Variants in ADAMTSL3 observed in about 807,000 individuals in gnomAD.
The protein encoded by ADAMTSL3 is ADAMTS-like protein 3.
Under a neutral mutation model 201.7 loss-of-function variants are expected in ADAMTSL3, and 128 were observed. The ratio of observed to expected loss-of-function variants is 0.63; its 90% confidence interval spans 0.55 to 0.73. The LOEUF (loss-of-function observed/expected upper bound fraction) is 0.73. ADAMTSL3 is among the 30% of genes least tolerant of loss of function. ADAMTSL3 has a pLI of 0.00. For missense variants in ADAMTSL3, 1,990 were observed against 2,119.6 expected, an observed-to-expected ratio of 0.94 and a Z score of 1.20; for synonymous variants, 738 against 748.4, an observed-to-expected ratio of 0.99 and a Z score of 0.23.
chr15:83,981,756 A>G (rs1400207487), intron 20 of ADAMTSL3, among the ~76,000 whole-genome samples: 1 of 152,164 alleles, frequency 6.6e-6, no homozygotes, highest in East Asian at 1.9e-4. Context: ...AGACCCTTCA[A>G]ATACATTTGC....
At chr15:84,012,234 A>C (rs985591113) in intron 23 of ADAMTSL3, among the ~76,000 whole-genome samples, 5 of 152,212 alleles carry the variant, frequency 3.3e-5, no homozygotes, top group African/African-American at 4.8e-5. Flanking sequence ...ACTGACTGTT[A>C]CACTTAGAGT....
At chr15:83,871,178 A>G (rs1266342189) in intron 9 of ADAMTSL3, among the ~76,000 whole-genome samples, 1 of 152,188 alleles carries the variant, frequency 6.6e-6, no homozygotes, top group Non-Finnish European at 1.5e-5. Flanking sequence ...CTTCACTTTT[A>G]TGGGGGAAGG....
At chr15:83,714,791 T>TTCTTTCTTTTTCTTTTTCTTTCTC (rs1555433213) in intron 3 of ADAMTSL3, among the ~76,000 whole-genome samples, 1 of 78,796 alleles carries the variant, frequency 1.3e-5, no homozygotes, top group Non-Finnish European at 2.6e-5. Flanking sequence ...TTCTTTTTCT[T>TTCTTTCTTTTTCTTTTTCTTTCTC]TCTCTCTCTT....
chr15:83,820,929 C>T (rs546559552), intron 6 of ADAMTSL3, among the ~76,000 whole-genome samples: 3 of 152,198 alleles, frequency 2.0e-5, no homozygotes, highest in African/African-American at 7.2e-5. Flanking sequence ...CAAAAATTAA[C>T]TGGGTGTGAT....
chr15:83,882,104 C>T (rs996749423), intron 9 of ADAMTSL3, among the ~76,000 whole-genome samples: 4 of 151,122 alleles, frequency 2.6e-5, no homozygotes, highest in African/African-American at 4.9e-5. Flanking sequence ...TGTAGTGAGC[C>T]GAGATCGCGC....
intron 15 of ADAMTSL3, among the ~76,000 whole-genome samples, chr15:83,907,233 A>G (rs928131828): frequency 5.3e-5 from 8 of 152,056 alleles, no homozygotes; most frequent in Non-Finnish European, 8.8e-5. Context: ...TACATGAGCT[A>G]TATGAACTTG....
At chr15:83,882,574 A>G (rs1195025703) in intron 9 of ADAMTSL3, among the ~76,000 whole-genome samples, 2 of 152,048 alleles carry the variant, frequency 1.3e-5, no homozygotes, top group South Asian at 2.1e-4. Flanking sequence ...GAATATCTCT[A>G]AGTGTTAAAG....
At chr15:83,684,482 T>C (rs774373201) in intron 2 of ADAMTSL3, among the ~76,000 whole-genome samples, 3 of 152,136 alleles carry the variant, frequency 2.0e-5, no homozygotes, top group Non-Finnish European at 4.4e-5. Context: ...GAGGATCACT[T>C]GAGGCCAGGA....
Position 84,003,611 on chromosome 15 carries a change from T to C in ADAMTSL3, c.3974-10931T>C, listed in dbSNP as rs553374203. Among the ~76,000 whole-genome samples, 11 of 152,182 alleles carry C rather than the reference T, an allele frequency of 7.2e-5. No homozygotes were observed. The South Asian group carries it at 2.3e-3, about 32-fold the overall frequency. On this transcript the variant is annotated intron_variant, in intron 23 of 29. Coordinates refer to ENST00000286744, the MANE Select transcript of ADAMTSL3 (RefSeq NM_207517.3). ...AAACCTGTATGAGATTTGATAGCAA[T>C]TGGGAAGCTTTTCATACCAGGCAGT...
intron 4 of ADAMTSL3, among the ~76,000 whole-genome samples, chr15:83,798,848 A>G (rs1265203995): frequency 6.7e-6 from 1 of 149,188 alleles, no homozygotes; most frequent in East Asian, 2.0e-4. Flanking sequence ...CAATAACACC[A>G]CTTTTTGGCT....
intron 2 of ADAMTSL3, among the ~76,000 whole-genome samples, chr15:83,664,079 G>A (rs537275944): frequency 6.6e-6 from 1 of 152,286 alleles, no homozygotes; most frequent in Admixed American, 6.5e-5. Context: ...ATCAGGTGGA[G>A]ACCCAGGTCT....
At chr15:83,757,501 C>A (rs1385251239) in intron 3 of ADAMTSL3, among the ~76,000 whole-genome samples, 1 of 152,180 alleles carries the variant, frequency 6.6e-6, no homozygotes, top group Non-Finnish European at 1.5e-5. Context: ...GGGCCCTGGG[C>A]CCTGGCCCAT....
At chr15:83,783,266 T>TA (rs2063206624) in intron 4 of ADAMTSL3, among the ~76,000 whole-genome samples, 1 of 151,820 alleles carries the variant, frequency 6.6e-6, no homozygotes, top group African/African-American at 2.4e-5. Context: ...TAAAACAATG[T>TA]ATAACTATTC....
chr15:83,666,502 G>C (rs1007505447), intron 2 of ADAMTSL3, among the ~76,000 whole-genome samples: 1 of 152,094 alleles, frequency 6.6e-6, no homozygotes, highest in East Asian at 1.9e-4. Context: ...TGGGCCATTT[G>C]TATTACTTCT....
At chr15:83,939,522 A>G (rs1011403927) in intron 17 of ADAMTSL3, among the ~76,000 whole-genome samples, 5 of 151,842 alleles carry the variant, frequency 3.3e-5, no homozygotes, top group African/African-American at 9.7e-5. Flanking sequence ...TTATGCCACA[A>G]TGTCCCTTCT....
intron 3 of ADAMTSL3, among the ~76,000 whole-genome samples, chr15:83,707,279 G>A (rs2061866465): frequency 6.6e-6 from 1 of 152,138 alleles, no homozygotes. Context: ...ATGTCTCCCT[G>A]CATAGGGCCT....
chr15:83,865,589 T>A (rs1418126604), intron 8 of ADAMTSL3, among the ~76,000 whole-genome samples: 1 of 152,218 alleles, frequency 6.6e-6, no homozygotes, highest in Non-Finnish European at 1.5e-5. Flanking sequence ...GATCCCTTCC[T>A]TGCACCTTAT....
intron 19 of ADAMTSL3, among the ~76,000 whole-genome samples, chr15:83,952,554 A>G (rs2066776977): frequency 6.6e-6 from 1 of 152,200 alleles, no homozygotes; most frequent in South Asian, 2.1e-4. Context: ...GACTCAAGCT[A>G]TCATTGTATT....
chr15:83,879,510 G>A (rs987929830), intron 9 of ADAMTSL3, among the ~76,000 whole-genome samples: 1 of 151,998 alleles, frequency 6.6e-6, no homozygotes, highest in African/African-American at 2.4e-5. Context: ...TTGACTTGTA[G>A]ATTATTTAGA....
Sources: gnomAD v4.1 joint callset for allele counts (sites outside exome capture counted in the v4.1 genomes callset) on GRCh38, gnomAD v4.1.1 for gene constraint, MANE v1.5 for transcripts, NCBI Gene and HGNC (gene_info 2026-07-23, HGNC 2026-07-21) for gene names.